DTNA: variants seen among roughly 807,000 people sequenced by gnomAD.
DTNA encodes dystrobrevin alpha.
DTNA carries 43 observed loss-of-function variants against 100.7 expected under a neutral mutation model. The ratio of observed to expected loss-of-function variants is 0.43; its 90% CI spans 0.33 to 0.55. The LOEUF (loss-of-function observed/expected upper bound fraction) is 0.55. DTNA is among the 20% of genes least tolerant of loss of function. The pLI is 0.04. For missense variants in DTNA, 798 were observed against 953.9 expected (o/e 0.84, Z 2.15); for synonymous variants, 349 against 347.9 (o/e 1.00, Z -0.04).
At chr18:34,555,670 A>T (rs1186065141) in intron 1 of DTNA, among the ~76,000 whole-genome samples, 2 of 152,030 alleles carry the variant, frequency 1.3e-5, no homozygotes, top group Non-Finnish European at 2.9e-5. Flanking sequence ...TTCAGTTTCC[A>T]TGTAGTTGAG....
chr18:34,524,293 G>T (rs1568587225), intron 1 of DTNA, among the ~76,000 whole-genome samples: 1 of 152,078 alleles, frequency 6.6e-6, no homozygotes, highest in Non-Finnish European at 1.5e-5. Flanking sequence ...AAAGTATTTT[G>T]TACTACTTCG....
chr18:34,681,099 C>G (rs2078040247), intron 1 of DTNA, among the ~76,000 whole-genome samples: 1 of 152,164 alleles, frequency 6.6e-6, no homozygotes. Flanking sequence ...ATCCACCATT[C>G]CCAATTTAGC....
In DTNA at chr18:34,556,407, G is replaced by C. The variant is rs572440001; in HGVS notation, c.-2+62893G>C. On this transcript the variant is annotated intron_variant, in intron 1 of 19. Coordinates refer to the DTNA transcript ENST00000283365. ...TATTGTTATGTGTGAATTTGATCCT[G>C]TCATTATGATGTTAGCTGGTGATTT... Among the ~76,000 whole-genome samples, 407 of 151,438 alleles carry C rather than the reference G, an allele frequency of 2.7e-3. 3 individuals are homozygous for C. Among genetic ancestry groups the C allele is most frequent in the Non-Finnish European group, 4.3e-3 (289 of 67,850 alleles).
chr18:34,659,757 G>A (rs2074925483), intron 1 of DTNA, among the ~76,000 whole-genome samples: 1 of 152,102 alleles, frequency 6.6e-6, no homozygotes, highest in African/African-American at 2.4e-5. Flanking sequence ...GAAGGAGCAT[G>A]TGAGCCTGTT....
At chr18:34,775,023 G>T (rs2093972772) in intron 3 of DTNA, among the ~76,000 whole-genome samples, 1 of 152,174 alleles carries the variant, frequency 6.6e-6, no homozygotes, top group Non-Finnish European at 1.5e-5. Context: ...AATCTAAAAT[G>T]GCTCCTAAAA....
intron 1 of DTNA, among the ~76,000 whole-genome samples, chr18:34,562,862 C>T (rs1471081708): frequency 6.6e-6 from 1 of 152,150 alleles, no homozygotes; most frequent in African/African-American, 2.4e-5. Flanking sequence ...ACAGATAATT[C>T]TATGCTATCC....
At position 34,888,161 on chromosome 18, in the gene DTNA, TG is replaced by T. The variant is rs1281403580; in HGVS notation, c.*428del. On this transcript the variant is annotated 3_prime_UTR_variant, in exon 23 of 23. Transcript: ENST00000444659. ...CATTTTAAACCTTTGCACATGATAT[TG>T]AACCTGTTCAGTTTACAATGACAAT... 4.1e-6 allele frequency: 4 copies of T among 985,784 alleles called. No homozygotes were observed. The African/African-American group carries it at 7.0e-5, about 17-fold the overall frequency. 61.1% of individuals were successfully genotyped at this position (985,784 alleles called of 1,614,324 possible).
Position 34,888,922 on chromosome 18 carries a change from G to A in DTNA, c.*1188G>A. 1.0e-6 allele frequency: 1 copy of A among 985,800 alleles called. No homozygotes were observed. The highest frequency in any genetic ancestry group is 1.2e-6 in the Non-Finnish European group (1 of 829,934). The allele number at this position is 985,800 out of a possible 1,614,324, so 61.1% of individuals were successfully genotyped here. A position where few individuals can be genotyped will look rare whatever the true frequency, so the allele number is the denominator to read the frequency against. ...TGGTGTTCTGCATGTAGCCTTCTGT[G>A]GTCATGTGAAAGGAGACAGGCTCTT... On this transcript the variant is annotated 3_prime_UTR_variant, in exon 23 of 23. Transcript: ENST00000444659.
chr18:34,502,250 T>G (rs941420853), intron 1 of DTNA, among the ~76,000 whole-genome samples: 1 of 152,252 alleles, frequency 6.6e-6, no homozygotes, highest in Non-Finnish European at 1.5e-5. Flanking sequence ...CTAATTTATG[T>G]CTTCTCTCTT....
At position 34,636,376 on chromosome 18, in the gene DTNA, A is replaced by G. The variant is rs113571224; in HGVS notation, c.-1-119600A>G. ...GTGATCCTCCTGCCTCGGCCTCCCAAAGTGCTAGGATTACAGGCATAAACT... is the reference window on the plus strand; with the variant it reads ...GTGATCCTCCTGCCTCGGCCTCCCAGAGTGCTAGGATTACAGGCATAAACT... On this transcript the variant is annotated intron_variant, in intron 1 of 19. Coordinates refer to the DTNA transcript ENST00000283365. Among the ~76,000 whole-genome samples the G allele has an allele frequency of 1.4e-4, 22 of 152,284 alleles. 1 individual carries two copies. The highest frequency in any genetic ancestry group is 5.3e-4 in the African/African-American group (22 of 41,564).
At chr18:34,825,199 A>AT in intron 9 of DTNA, 3 of 1,601,016 alleles carry the variant, frequency 1.9e-6, no homozygotes, top group Non-Finnish European at 2.6e-6. Context: ...GTTCTTAGCT[A>AT]TTGTATTGCT....
chr18:34,611,828 A>G (rs566430735), intron 1 of DTNA, among the ~76,000 whole-genome samples: 1 of 152,292 alleles, frequency 6.6e-6, no homozygotes, highest in African/African-American at 2.4e-5. Flanking sequence ...ACTCATCTCA[A>G]GAGCAGTTTC....
rs991428851 is a variant in DTNA at position 34,796,905 on chromosome 18, G to A, written c.362+2655G>A. ...TGAGAGCCAGACTTACCTTCGCACA[G>A]CCATAGCTCCCCAAGAATAGCATTC... On this transcript the variant is annotated intron_variant, in intron 4 of 22. Coordinates refer to ENST00000444659, the MANE Select transcript of DTNA (RefSeq NM_001386795.1). Among the ~76,000 whole-genome samples, 4 of 152,086 alleles carry A rather than the reference G, an allele frequency of 2.6e-5. No individual in the cohort carries two copies. The South Asian group carries it at 6.2e-4, about 24-fold the overall frequency.
At chr18:34,859,705 G>A (rs899225575) in intron 16 of DTNA, among the ~76,000 whole-genome samples, 1 of 151,742 alleles carries the variant, frequency 6.6e-6, no homozygotes, top group African/African-American at 2.4e-5. Context: ...AGTACAAATC[G>A]TCCTTAGTTT....
At chr18:34,540,678 A>C (rs1427423574) in intron 1 of DTNA, among the ~76,000 whole-genome samples, 1 of 152,072 alleles carries the variant, frequency 6.6e-6, no homozygotes, top group Non-Finnish European at 1.5e-5. Flanking sequence ...ATATGGCCCA[A>C]GGTTACCCTT....
chr18:34,499,427 C>T (rs2039651186), intron 1 of DTNA, among the ~76,000 whole-genome samples: 1 of 152,140 alleles, frequency 6.6e-6, no homozygotes, highest in Non-Finnish European at 1.5e-5. Flanking sequence ...TTTTTGGCTA[C>T]TACAACTAAA....
chr18:34,834,722 G>C (rs1450255295), intron 11 of DTNA, among the ~76,000 whole-genome samples: 2 of 152,140 alleles, frequency 1.3e-5, no homozygotes, highest in African/African-American at 4.8e-5. Flanking sequence ...GGAACTAATA[G>C]AGTGAGACCT....
intron 1 of DTNA, among the ~76,000 whole-genome samples, chr18:34,635,922 C>A (rs1172802134): frequency 1.3e-5 from 2 of 151,228 alleles, no homozygotes; most frequent in Non-Finnish European, 2.9e-5. Flanking sequence ...AAAAAAAAAA[C>A]CTGTGAAATA....
chr18:34,851,956 T>C (rs749302970), intron 15 of DTNA, 28 bp downstream of exon 15: 1 of 1,608,760 alleles, frequency 6.2e-7, no homozygotes, highest in Admixed American at 1.7e-5. Flanking sequence ...TGCTGGCTTG[T>C]TTGATCAATG....
Sources: gnomAD v4.1 joint callset for allele counts (sites outside exome capture counted in the v4.1 genomes callset) on GRCh38, gnomAD v4.1.1 for gene constraint, MANE v1.5 for transcripts, NCBI Gene and HGNC (gene_info 2026-07-23, HGNC 2026-07-21) for gene names.